Variants in AKR1B1 observed in about 807,000 individuals in gnomAD.
The protein encoded by AKR1B1 is aldo-keto reductase family 1 member B.
In AKR1B1, 22 loss-of-function variants were observed where a neutral mutation model predicts 40.4. That is an observed-to-expected ratio of 0.54 (90% confidence interval 0.39 to 0.78). The LOEUF is 0.78. Among genes scored for constraint, AKR1B1 ranks in the 30% least tolerant of loss-of-function variants. AKR1B1 has a pLI of 0.00. For missense variants in AKR1B1, 357 were observed against 396.7 expected (o/e 0.90, Z 0.85); for synonymous variants, 157 against 149.9 (o/e 1.05, Z -0.35).
In AKR1B1 at chr7:134,449,753, A is replaced by T. The variant is rs1159987307; in HGVS notation, c.396T>A (p.Val132=). Residue 132 remains valine (V), a synonymous_variant, in exon 4 of 10, where the codon GTT becomes GTA. Transcript: ENST00000285930. ...TGTCCAGAATGTTGGTGTCACTGGG[A>T]ACCACATTGCCCGACTCATCCAATG... ...FFPLDESGNV[V]PSDTNILDTW... is the part of the protein sequence containing the mutation. The T allele has an allele frequency of 6.2e-7, 1 of 1,614,154 alleles. No homozygotes were observed. The highest frequency in any genetic ancestry group is 8.5e-7 in the Non-Finnish European group (1 of 1,179,984).
chr7:134,452,378 G>A (rs763313734), intron 1 of AKR1B1, among the ~76,000 whole-genome samples: 1 of 152,208 alleles, frequency 6.6e-6, no homozygotes, highest in Non-Finnish European at 1.5e-5. Flanking sequence ...ACGGGAGATG[G>A]CCCCTCAGAG....
rs1047839640 is a variant in AKR1B1, at chr7:134,447,389, C to T, written c.742-8G>A. The T allele has an allele frequency of 2.5e-6, 4 of 1,613,586 alleles. No individual in the cohort carries two copies. Among genetic ancestry groups the T allele is most frequent in the Non-Finnish European group, 3.4e-6 (4 of 1,179,688 alleles). On this transcript the variant is annotated splice_region_variant and splice_polypyrimidine_tract_variant and intron_variant, in intron 7 of 9. Coordinates refer to ENST00000285930, the MANE Select transcript of AKR1B1 (RefSeq NM_001628.4). ...GGGGAACCGGATCAGGACCTGTGAG[C>T]CCAAGGAGACAGTGAGTGTGTATAC...
intron 9 of AKR1B1, among the ~76,000 whole-genome samples, chr7:134,443,465 A>C (rs2117444193): frequency 6.6e-6 from 1 of 152,208 alleles, no homozygotes; most frequent in Non-Finnish European, 1.5e-5. Context: ...TCAAAGGATA[A>C]GAGAAGCAAC....
At chr7:134,456,445 C>A (rs900767660) in intron 1 of AKR1B1, among the ~76,000 whole-genome samples, 2 of 151,884 alleles carry the variant, frequency 1.3e-5, no homozygotes, top group African/African-American at 2.4e-5. Flanking sequence ...ATGATCTGCC[C>A]GCCTCTGCCT....
intron 6 of AKR1B1, 150 bp from the exon 7 acceptor site, chr7:134,448,211 A>C (rs948097345): frequency 2.1e-5 from 19 of 918,780 alleles, no homozygotes; most frequent in Non-Finnish European, 5.2e-6. Context: ...CCTTTGGAAA[A>C]AGAGTAGGTG....
intron 2 of AKR1B1, chr7:134,451,351 C>T (rs1806281472): frequency 1.6e-6 from 1 of 613,022 alleles, no homozygotes; most frequent in Non-Finnish European, 2.9e-6. Context: ...TCCACAACCT[C>T]AGCCTCATCA....
At position 134,447,473 on chromosome 7, in the gene AKR1B1, G is replaced by A. The variant is rs552089169; in HGVS notation, c.742-92C>T. On this transcript the variant is annotated intron_variant, in intron 7 of 9. Coordinates refer to ENST00000285930, the MANE Select transcript of AKR1B1 (RefSeq NM_001628.4). ...TCACACACACAACCTGCAGAAGGAC[G>A]TGCTAGAACTCCACAGGTGATCAGA... The A allele has an allele frequency of 3.3e-5, 36 of 1,107,486 alleles. 1 individual carries two copies. The highest frequency in any genetic ancestry group is 2.0e-4 in the Middle Eastern group (1 of 5,108). 68.6% of individuals were successfully genotyped at this position (1,107,486 alleles called of 1,614,324 possible). A position where few individuals can be genotyped will look rare whatever the true frequency, so the allele number is the denominator to read the frequency against.
chr7:134,455,832 C>G (rs1806453313), intron 1 of AKR1B1, among the ~76,000 whole-genome samples: 2 of 152,200 alleles, frequency 1.3e-5, no homozygotes, highest in African/African-American at 4.8e-5. Flanking sequence ...ATCCACCCGC[C>G]TTGGCCTTCC....
intron 2 of AKR1B1, 94 bp from the exon 3 acceptor site, chr7:134,450,996 T>C: frequency 1.0e-6 from 1 of 1,001,394 alleles, no homozygotes; most frequent in Non-Finnish European, 1.6e-6. Flanking sequence ...CAAAACCCAT[T>C]TGCTTTACCA....
rs144188140 is a variant in AKR1B1 at position 134,443,857 on chromosome 7, G to A, written c.909-1087C>T. ...AGGCTCAGTAAAGCATTATCTGCCAGAGGGGTGGTGTGTGTGTAGTTAGCG... is the reference window on the plus strand; with the variant it reads ...AGGCTCAGTAAAGCATTATCTGCCAAAGGGGTGGTGTGTGTGTAGTTAGCG... On this transcript the variant is annotated intron_variant, in intron 9 of 9. Transcript: ENST00000285930. Among the ~76,000 whole-genome samples, 12 of 152,274 alleles carry A rather than the reference G, an allele frequency of 7.9e-5. No individual in the cohort carries two copies. In the East Asian group the frequency reaches 2.3e-3, roughly 29 times the overall value.
At chr7:134,449,168 AGG>A in intron 4 of AKR1B1, 49 bp from the exon 5 acceptor site, 1 of 1,610,440 alleles carries the variant, frequency 6.2e-7, no homozygotes, top group East Asian at 2.2e-5. Flanking sequence ...CAGAAAGGAC[AGG>A]ATCAGAAGTG....
chr7:134,459,225 TC>T, upstream of AKR1B1: 1 of 802,864 alleles, frequency 1.2e-6, no homozygotes, highest in Non-Finnish European at 2.0e-6. Flanking sequence ...GCGGCGGCCT[TC>T]CCCAAGGGTC....
intron 8 of AKR1B1, among the ~76,000 whole-genome samples, chr7:134,446,125 A>G (rs1806086702): frequency 6.6e-6 from 1 of 152,270 alleles, no homozygotes; most frequent in African/African-American, 2.4e-5. Flanking sequence ...TTAGGTTAGC[A>G]TTTTGAGATT....
At chr7:134,452,665 C>T (rs1286983119) in intron 1 of AKR1B1, among the ~76,000 whole-genome samples, 8 of 152,160 alleles carry the variant, frequency 5.3e-5, no homozygotes, top group Non-Finnish European at 7.4e-5. Flanking sequence ...CAGAGCTGAG[C>T]AATAAACATG....
upstream of AKR1B1, chr7:134,459,137 G>C (rs1806595932): frequency 6.6e-7 from 1 of 1,525,732 alleles, no homozygotes; most frequent in African/African-American, 1.4e-5. Flanking sequence ...AATAGCCCGT[G>C]AGGTCGGCAG....
rs796317737 is a variant in AKR1B1 at position 134,453,803 on chromosome 7, G to A, written c.67-2050C>T. Among the ~76,000 whole-genome samples, 14 of 152,268 alleles carry A rather than the reference G, an allele frequency of 9.2e-5. 1 individual carries two copies. Among genetic ancestry groups the A allele is most frequent in the African/African-American group, 3.4e-4 (14 of 41,564 alleles). ...AAAAAGTCACCTCTGCAATGAAAAT[G>A]TACGAGGATCCACAACCACATTCTA... On this transcript the variant is annotated intron_variant, in intron 1 of 9. Coordinates refer to ENST00000285930, the MANE Select transcript of AKR1B1 (RefSeq NM_001628.4).
At chr7:134,449,275 C>A in intron 4 of AKR1B1, 156 bp from the exon 5 acceptor site, 1 of 1,141,016 alleles carries the variant, frequency 8.8e-7, no homozygotes, top group Non-Finnish European at 1.3e-6. Context: ...GAAAGCCAGG[C>A]TGGCTTTAAT....
upstream of AKR1B1, chr7:134,459,138 A>C (rs1293723594): frequency 1.3e-6 from 2 of 1,526,464 alleles, no homozygotes; most frequent in African/African-American, 2.8e-5. Context: ...ATAGCCCGTG[A>C]GGTCGGCAGA....
intron 8 of AKR1B1, among the ~76,000 whole-genome samples, chr7:134,445,834 T>C (rs921203127): frequency 1.3e-5 from 2 of 152,196 alleles, no homozygotes; most frequent in Non-Finnish European, 2.9e-5. Flanking sequence ...GTATAAGATT[T>C]TGACAGAGAG....
Sources: allele counts gnomAD v4.1 joint callset (sites outside exome capture counted in the v4.1 genomes callset), GRCh38; gene constraint gnomAD v4.1.1; transcripts MANE v1.5; gene names NCBI Gene and HGNC (gene_info 2026-07-23, HGNC 2026-07-21).